BRD10: variants seen among roughly 807,000 people sequenced by gnomAD.
BRD10 encodes the protein bromodomain containing 10.
the BRD10 span, among the ~76,000 whole-genome samples, chr9:5,993,626 G>C: frequency 1.3e-5 from 2 of 152,186 alleles, no homozygotes; most frequent in East Asian, 3.9e-4. Context: ...GACTGTAGGA[G>C]AAGGCCATAA....
the BRD10 span, among the ~76,000 whole-genome samples, chr9:5,906,129 T>C: frequency 2.0e-5 from 3 of 151,682 alleles, no homozygotes; most frequent in East Asian, 5.8e-4. Context: ...GGCAGGAGGA[T>C]TGCTTGAGCT....
the BRD10 span, chr9:5,891,398 C>G: frequency 6.6e-6 from 1 of 152,194 alleles, no homozygotes; most frequent in African/African-American, 2.4e-5. Context: ...CTTGAGAGGA[C>G]TGGTGAGTTT....
chr9:5,981,677 C>G, the BRD10 span, among the ~76,000 whole-genome samples: 1 of 152,194 alleles, frequency 6.6e-6, no homozygotes, highest in South Asian at 2.1e-4. Flanking sequence ...TGTCCATCCT[C>G]AAGGGAGACA....
the BRD10 span, among the ~76,000 whole-genome samples, chr9:5,948,357 A>G: frequency 6.6e-6 from 1 of 152,168 alleles, no homozygotes; most frequent in Non-Finnish European, 1.5e-5. Context: ...AAGAAATCTA[A>G]CAACTGAACT....
chr9:6,007,895 C>T, the BRD10 span: 1 of 1,367,742 alleles, frequency 7.3e-7, no homozygotes, highest in South Asian at 1.7e-5. Context: ...GTAGCCCCCG[C>T]CACATCGGGC....
the BRD10 span, among the ~76,000 whole-genome samples, chr9:5,958,273 A>T: frequency 6.6e-6 from 1 of 152,234 alleles, no homozygotes; most frequent in Non-Finnish European, 1.5e-5. Context: ...TTTATACTGT[A>T]ACTGAGGAAT....
At chr9:5,925,903 CAT>C in the BRD10 span, among the ~76,000 whole-genome samples, 1 of 152,054 alleles carries the variant, frequency 6.6e-6, no homozygotes, top group Non-Finnish European at 1.5e-5. Flanking sequence ...TAAACATGAA[CAT>C]ATGTTCTCCA....
At chr9:6,004,977 G>T in the BRD10 span, among the ~76,000 whole-genome samples, 3 of 152,214 alleles carry the variant, frequency 2.0e-5, no homozygotes, top group South Asian at 6.2e-4. Flanking sequence ...AACTATTTGA[G>T]GTCATACTAC....
the BRD10 span, among the ~76,000 whole-genome samples, chr9:5,931,192 C>T: frequency 3.3e-5 from 5 of 152,270 alleles, no homozygotes; most frequent in Middle Eastern, 3.4e-3. Flanking sequence ...TGACTGCTGC[C>T]TGGATTAGCA....
the BRD10 span, among the ~76,000 whole-genome samples, chr9:5,988,074 T>C: frequency 3.3e-5 from 5 of 152,240 alleles, no homozygotes; most frequent in Non-Finnish European, 5.9e-5. Context: ...TCCTCTAATT[T>C]AAAACTTATA....
At chr9:5,897,253 C>T in the BRD10 span, among the ~76,000 whole-genome samples, 1 of 152,196 alleles carries the variant, frequency 6.6e-6, no homozygotes, top group Non-Finnish European at 1.5e-5. Flanking sequence ...CCAATAAATA[C>T]ATTGTCCACA....
the BRD10 span, among the ~76,000 whole-genome samples, chr9:5,894,649 C>T: frequency 7.2e-5 from 11 of 152,230 alleles, no homozygotes; most frequent in East Asian, 1.5e-3. This position sits in a 1 kb window ranked among gnomAD's most constrained non-coding sequence, Gnocchi z 4.0. Flanking sequence ...TCTGACAATG[C>T]CGGAAAACGA....
the BRD10 span, among the ~76,000 whole-genome samples, chr9:5,951,586 CAAAT>C: frequency 6.6e-6 from 1 of 152,236 alleles, no homozygotes; most frequent in African/African-American, 2.4e-5. Flanking sequence ...TTGAACAAAA[CAAAT>C]AATTTACAGA....
the BRD10 span, among the ~76,000 whole-genome samples, chr9:5,942,286 G>A: frequency 1.3e-5 from 2 of 152,146 alleles, no homozygotes; most frequent in African/African-American, 4.8e-5. Context: ...AGTACAAGGA[G>A]TCAGGGAAGT....
the BRD10 span, chr9:5,920,084 C>T: frequency 6.2e-7 from 1 of 1,613,844 alleles, no homozygotes; most frequent in Non-Finnish European, 8.5e-7. Flanking sequence ...ACTTGCATTC[C>T]CAAAAGAGTT....
the BRD10 span, among the ~76,000 whole-genome samples, chr9:5,918,564 T>C: frequency 6.6e-6 from 1 of 151,800 alleles, no homozygotes; most frequent in Admixed American, 6.6e-5. Context: ...AATTAAAAAA[T>C]TAGGCATGGT....
At chr9:5,977,663 G>A in the BRD10 span, among the ~76,000 whole-genome samples, 2 of 151,938 alleles carry the variant, frequency 1.3e-5, no homozygotes, top group Admixed American at 1.3e-4. Flanking sequence ...GTGAAATCCC[G>A]TCTCTACTAA....
the BRD10 span, chr9:5,988,479 C>T: frequency 1.2e-6 from 2 of 1,613,920 alleles, no homozygotes; most frequent in Admixed American, 1.7e-5. Context: ...ATGCAGTTCC[C>T]TTCTCATCCT....
chr9:5,965,361 T>C, the BRD10 span, among the ~76,000 whole-genome samples: 6 of 152,190 alleles, frequency 3.9e-5, no homozygotes, highest in Non-Finnish European at 7.3e-5. Context: ...AGTTTTCTTT[T>C]CTTCAAGACT....
Sources: gnomAD v4.1 joint callset for allele counts (sites outside exome capture counted in the v4.1 genomes callset) on GRCh38, gnomAD v4.1.1 for gene constraint, Gnocchi (gnomAD v3.1) non-coding constraint, MANE v1.5 for transcripts, NCBI Gene and HGNC (gene_info 2026-07-23, HGNC 2026-07-21) for gene names.